GAS2: variants seen among roughly 807,000 people sequenced by gnomAD.
The protein encoded by GAS2 is growth arrest-specific protein 2.
GAS2 carries 20 observed loss-of-function variants against 37.5 expected under a neutral mutation model. The observed-to-expected ratio is 0.53, with a 90% CI of 0.37 to 0.77. The LOEUF is 0.77. Ranked by LOEUF, GAS2 falls within the 30% of genes least tolerant of loss-of-function variation. The pLI is 0.00. For missense variants in GAS2, 336 were observed against 373.4 expected, an observed-to-expected ratio of 0.90 and a Z score of 0.82; for synonymous variants, 144 against 132.2, an observed-to-expected ratio of 1.09 and a Z score of -0.61.
intron 4 of GAS2, among the ~76,000 whole-genome samples, chr11:22,735,681 T>TTCTTCAGAA (rs1852715300): frequency 6.6e-6 from 1 of 151,904 alleles, no homozygotes; most frequent in African/African-American, 2.4e-5. Flanking sequence ...CAGAATGAAT[T>TTCTTCAGAA]TGATTTTCCA....
At chr11:22,660,702 A>C (rs2133845044) in intron 1 of GAS2, among the ~76,000 whole-genome samples, 1 of 152,330 alleles carries the variant, frequency 6.6e-6, no homozygotes, top group East Asian at 1.9e-4. Context: ...ATTCCTTGAC[A>C]GCCTCTGTGG....
chr11:22,805,193 AAG>A (rs1040774848), intron 7 of GAS2, among the ~76,000 whole-genome samples: 48 of 152,102 alleles, frequency 3.2e-4, no homozygotes, highest in African/African-American at 1.2e-3. Flanking sequence ...TTTTTTAAAA[AAG>A]AATTTATATA....
At chr11:22,675,940 T>G (rs1423314320) in intron 2 of GAS2, among the ~76,000 whole-genome samples, 1 of 152,178 alleles carries the variant, frequency 6.6e-6, no homozygotes, top group Non-Finnish European at 1.5e-5. Context: ...TTGGCAGAAG[T>G]TTAGCACATT....
At chr11:22,726,510 A>G in intron 4 of GAS2, 77 bp downstream of exon 4, 1 of 1,296,618 alleles carries the variant, frequency 7.7e-7, no homozygotes, top group Non-Finnish European at 1.1e-6. Flanking sequence ...GCCATCAAAA[A>G]GTTTTTTGTA....
At chr11:22,685,246 C>T (rs767547835) in intron 2 of GAS2, among the ~76,000 whole-genome samples, 4 of 152,156 alleles carry the variant, frequency 2.6e-5, no homozygotes, top group African/African-American at 4.8e-5. Context: ...TGCATTATGT[C>T]CTGCCTTGTG....
chr11:22,715,049 A>T (rs1032020775), intron 3 of GAS2, among the ~76,000 whole-genome samples: 1 of 152,208 alleles, frequency 6.6e-6, no homozygotes, highest in Non-Finnish European at 1.5e-5. Context: ...CAATGACAAA[A>T]AATACAAAAT....
chr11:22,790,590 ATT>A (rs58284244), intron 7 of GAS2, among the ~76,000 whole-genome samples: 7,063 of 111,918 alleles, frequency 0.063, 172 homozygotes, highest in Non-Finnish European at 0.095. Context: ...CTTCTTCTCT[ATT>A]TTTTTTTTTT....
Position 22,812,042 on chromosome 11 carries a change from C to T in GAS2, c.*26C>T. On this transcript the variant is annotated 3_prime_UTR_variant, in exon 8 of 8. Coordinates refer to ENST00000454584, the MANE Select transcript of GAS2 (RefSeq NM_001143830.3). Reference sequence around the variant, plus strand: ...AACAAATTGGTCATGACAAGGGGACCCTCATAATGGCCTGTATCCACTTCT... The same window carrying T: ...AACAAATTGGTCATGACAAGGGGACTCTCATAATGGCCTGTATCCACTTCT... The T allele has an allele frequency of 6.5e-7, 1 of 1,532,482 alleles. No individual in the cohort carries two copies. The highest frequency in any genetic ancestry group is 1.1e-5 in the South Asian group (1 of 89,342). The allele number at this position is 1,532,482 out of a possible 1,614,324, so 94.9% of individuals were successfully genotyped here. A position where few individuals can be genotyped will look rare whatever the true frequency, so the allele number is the denominator to read the frequency against.
chr11:22,749,292 C>T (rs376345146), intron 6 of GAS2, 31 bp downstream of exon 6: 165 of 1,596,734 alleles, frequency 1.0e-4, no homozygotes, highest in South Asian at 4.9e-4. Flanking sequence ...TTCTTACCAA[C>T]GGTTAGTCTT....
At chr11:22,755,671 G>T in intron 6 of GAS2, 175 bp from the exon 7 acceptor site, 1 of 513,880 alleles carries the variant, frequency 1.9e-6, no homozygotes. Context: ...TGTCTTTGGG[G>T]CCTGAACTTT....
chr11:22,685,878 T>A, intron 3 of GAS2, 89 bp downstream of exon 3: 1 of 1,290,100 alleles, frequency 7.8e-7, no homozygotes, highest in Non-Finnish European at 1.1e-6. Flanking sequence ...AAATTTATTG[T>A]GAACGGATGC....
At chr11:22,675,085 C>T (rs1480924127) in intron 2 of GAS2, 71 bp downstream of exon 2, 11 of 1,464,832 alleles carry the variant, frequency 7.5e-6, no homozygotes, top group Non-Finnish European at 1.0e-5. Context: ...CTGTAGTGTC[C>T]TTCACCTAAG....
Position 22,671,928 on chromosome 11 carries a change from C to A in GAS2, c.-20-2922C>A, listed in dbSNP as rs563448841. On this transcript the variant is annotated intron_variant, in intron 1 of 7. Coordinates refer to ENST00000454584, the MANE Select transcript of GAS2 (RefSeq NM_001143830.3). ...TAGCCAAATCTAAATCCAAGACCTGCAGGTATTGACTTTCAGCCAAACCGT... is the reference window on the plus strand; with the variant it reads ...TAGCCAAATCTAAATCCAAGACCTGAAGGTATTGACTTTCAGCCAAACCGT... 1.6e-3 allele frequency among the ~76,000 whole-genome samples: 241 copies of A among 152,196 alleles called. 1 individual carries two copies. Among genetic ancestry groups the A allele is most frequent in the South Asian group, 4.4e-3 (21 of 4,824 alleles).
At chr11:22,713,557 A>C (rs1392601904) in intron 3 of GAS2, among the ~76,000 whole-genome samples, 1 of 152,166 alleles carries the variant, frequency 6.6e-6, no homozygotes, top group African/African-American at 2.4e-5. Context: ...TTACATAGTC[A>C]TCAAGTTATC....
chr11:22,632,482 T>C (rs2133806418), intron 1 of GAS2, among the ~76,000 whole-genome samples: 1 of 152,304 alleles, frequency 6.6e-6, no homozygotes, highest in South Asian at 2.1e-4. Flanking sequence ...CTCTTGGAAT[T>C]CTTTTCTTCA....
chr11:22,756,094 A>T lies in GAS2; in HGVS notation c.723+141A>T, dbSNP rs1159251871. ...ATGGTATGAATTTTTTTAAAGTAAC[A>T]TACATTATAATGTACTACTGAAGGC... On this transcript the variant is annotated intron_variant, in intron 7 of 7. Transcript: ENST00000454584. 1.3e-5 allele frequency: 8 copies of T among 605,198 alleles called. No homozygotes were observed. The South Asian group carries it at 1.4e-4, about 11-fold the overall frequency. 37.5% of individuals were successfully genotyped at this position (605,198 alleles called of 1,614,324 possible). A position where few individuals can be genotyped will look rare whatever the true frequency, so the allele number is the denominator to read the frequency against.
chr11:22,729,939 G>A (rs1852395575), intron 4 of GAS2, among the ~76,000 whole-genome samples: 2 of 151,700 alleles, frequency 1.3e-5, no homozygotes, highest in African/African-American at 2.4e-5. Context: ...CTTTGATTAA[G>A]TTGTTCTGCT....
chr11:22,695,770 T>G (rs1350851948), intron 3 of GAS2, among the ~76,000 whole-genome samples: 1 of 152,132 alleles, frequency 6.6e-6, no homozygotes, highest in Non-Finnish European at 1.5e-5. Context: ...CAAACAAATT[T>G]GAAATAAAGA....
chr11:22,647,767 G>T (rs1441232097), intron 1 of GAS2, among the ~76,000 whole-genome samples: 1 of 152,016 alleles, frequency 6.6e-6, no homozygotes, highest in African/African-American at 2.4e-5. Context: ...TTTTGATGGG[G>T]TTGTTTGTTT....
Sources: gnomAD v4.1 joint callset for allele counts (sites outside exome capture counted in the v4.1 genomes callset) on GRCh38, gnomAD v4.1.1 for gene constraint, MANE v1.5 for transcripts, NCBI Gene and HGNC (gene_info 2026-07-23, HGNC 2026-07-21) for gene names.